The following SERPINB7 variants were observed in gnomAD, a reference collection of about 807,000 sequenced individuals.
The protein encoded by SERPINB7 is serpin B7.
Under a neutral mutation model 37.4 loss-of-function variants are expected in SERPINB7, and 31 were observed. That is an observed-to-expected ratio of 0.83 (90% CI 0.62 to 1.12). The LOEUF (loss-of-function observed/expected upper bound fraction) is 1.12. Ranked by LOEUF, SERPINB7 falls within the 50% of genes most tolerant of loss-of-function variation. The pLI is 0.00. For missense variants in SERPINB7, 521 were observed against 455.3 expected, an observed-to-expected ratio of 1.14 and a Z score of -1.31; for synonymous variants, 163 against 166.1, an observed-to-expected ratio of 0.98 and a Z score of 0.14.
intron 4 of SERPINB7, among the ~76,000 whole-genome samples, chr18:63,795,576 T>TAAAAAAAAAAAAAAA (rs5825537): frequency 8.6e-6 from 1 of 115,778 alleles, no homozygotes; most frequent in East Asian, 2.2e-4. Flanking sequence ...AAAAAAGAAT[T>TAAAAAAAAAAAAAAA]AAAAAAAAAA....
At chr18:63,803,265 G>T (rs1394693382) in intron 7 of SERPINB7, among the ~76,000 whole-genome samples, 1 of 151,668 alleles carries the variant, frequency 6.6e-6, no homozygotes, top group African/African-American at 2.4e-5. Flanking sequence ...TTCCAACAGG[G>T]TAAAAATATA....
At chr18:63,802,364 A>T (rs2049558822) in intron 7 of SERPINB7, among the ~76,000 whole-genome samples, 2 of 152,068 alleles carry the variant, frequency 1.3e-5, no homozygotes, top group Admixed American at 1.3e-4. Flanking sequence ...TTTGAGTTTG[A>T]TCTGCAATCT....
chr18:63,770,492 C>T (rs2049204259), upstream of SERPINB7, among the ~76,000 whole-genome samples: 3 of 151,996 alleles, frequency 2.0e-5, no homozygotes, highest in African/African-American at 4.8e-5. Flanking sequence ...TTGACCCCAA[C>T]TGGAAGCTAT....
At chr18:63,790,748 T>G (rs1490754184) in intron 2 of SERPINB7, among the ~76,000 whole-genome samples, 6 of 152,134 alleles carry the variant, frequency 3.9e-5, no homozygotes, top group Non-Finnish European at 5.9e-5. Context: ...GAAAGAGTTT[T>G]AAGTGTTCAT....
chr18:63,753,473 TATACAAGATAGCTC>T (rs1351946752), intron 1 of SERPINB7, among the ~76,000 whole-genome samples: 8 of 152,234 alleles, frequency 5.3e-5, no homozygotes, highest in African/African-American at 1.7e-4. Flanking sequence ...CCCCTAAGCT[TATACAAGATAGCTC>T]ATACACCAAC....
chr18:63,791,444 C>CA (rs1033310102), intron 2 of SERPINB7, among the ~76,000 whole-genome samples: 7 of 151,912 alleles, frequency 4.6e-5, no homozygotes, highest in African/African-American at 1.4e-4. Context: ...TCCAAAATTA[C>CA]AAAAAATAAC....
intron 1 of SERPINB7, among the ~76,000 whole-genome samples, chr18:63,767,618 G>A (rs1046341321): frequency 1.3e-5 from 2 of 152,042 alleles, no homozygotes; most frequent in Non-Finnish European, 2.9e-5. Flanking sequence ...CTTCTTGGTT[G>A]TGATGTATTA....
upstream of SERPINB7, among the ~76,000 whole-genome samples, chr18:63,771,378 A>G (rs1056141102): frequency 6.6e-6 from 1 of 152,064 alleles, no homozygotes; most frequent in Non-Finnish European, 1.5e-5. Flanking sequence ...GGTGGCTCCC[A>G]GTTTTTATTC....
intron 6 of SERPINB7, among the ~76,000 whole-genome samples, chr18:63,799,300 A>G (rs1413437431): frequency 6.6e-6 from 1 of 152,224 alleles, no homozygotes; most frequent in East Asian, 1.9e-4. Flanking sequence ...TTTAAAATCA[A>G]TTTGTACACA....
At chr18:63,777,012 A>C (rs1307489885) in intron 1 of SERPINB7, among the ~76,000 whole-genome samples, 7 of 152,064 alleles carry the variant, frequency 4.6e-5, no homozygotes, top group Non-Finnish European at 7.4e-5. Flanking sequence ...TTAATCATAC[A>C]ACGAAAATAA....
At chr18:63,765,505 A>G (rs961791880) in intron 1 of SERPINB7, among the ~76,000 whole-genome samples, 29 of 152,174 alleles carry the variant, frequency 1.9e-4, no homozygotes, top group African/African-American at 2.7e-4. Flanking sequence ...GATAAGAATA[A>G]GCCATCTCTT....
intron 6 of SERPINB7, among the ~76,000 whole-genome samples, chr18:63,799,734 A>G (rs1037805286): frequency 2.0e-5 from 3 of 152,152 alleles, no homozygotes; most frequent in African/African-American, 4.8e-5. Flanking sequence ...GGTAGATTTC[A>G]TGTGTGTTCT....
In SERPINB7 at chr18:63,776,085, T is replaced by G. The variant is rs182187326; in HGVS notation, c.-19+369T>G. ...CAGCCCATTGTCCATCAAAACCTGC[T>G]ATCAGGAATAGATCAATTATCAGTT... On this transcript the variant is annotated intron_variant, in intron 1 of 7. Coordinates refer to ENST00000398019, the MANE Select transcript of SERPINB7 (RefSeq NM_003784.4). Among the ~76,000 whole-genome samples the G allele has an allele frequency of 2.6e-5, 4 of 152,242 alleles. No individual in the cohort carries two copies. In the East Asian group the frequency reaches 7.7e-4, roughly 29 times the overall value.
At position 63,804,879 on chromosome 18, in the gene SERPINB7, C is replaced by A. The variant is rs1471913244; in HGVS notation, c.*244C>A. On this transcript the variant is annotated 3_prime_UTR_variant, in exon 8 of 8. Transcript: ENST00000398019. ...TTTCTAATTTCATTGTCTTTCTTCC[C>A]ACGCTCATTTCTATCATTCTCCCCC... The A allele has an allele frequency of 4.1e-6, 2 of 484,432 alleles. No individual in the cohort carries two copies. The highest frequency in any genetic ancestry group is 7.2e-6 in the Non-Finnish European group (2 of 276,492). 30.0% of individuals were successfully genotyped at this position (484,432 alleles called of 1,614,324 possible). A position where few individuals can be genotyped will look rare whatever the true frequency, so the allele number is the denominator to read the frequency against.
At chr18:63,772,891 T>C (rs895874448), upstream of SERPINB7, among the ~76,000 whole-genome samples, 1 of 152,176 alleles carries the variant, frequency 6.6e-6, no homozygotes, top group African/African-American at 2.4e-5. Context: ...GTTCCGCTGA[T>C]TGCATTCATT....
At chr18:63,784,048 C>T (rs1185607310) in intron 2 of SERPINB7, among the ~76,000 whole-genome samples, 1 of 152,080 alleles carries the variant, frequency 6.6e-6, no homozygotes, top group Non-Finnish European at 1.5e-5. Context: ...ATAGTAACAA[C>T]TATCTGCTGA....
In SERPINB7 at chr18:63,795,188, CAG is replaced by C. The variant is rs1405385162; in HGVS notation, c.337-1076_337-1075del. Among the ~76,000 whole-genome samples, 5 of 152,282 alleles carry C rather than the reference CAG, an allele frequency of 3.3e-5. No homozygotes were observed. In the East Asian group the frequency reaches 9.6e-4, roughly 29 times the overall value. On this transcript the variant is annotated intron_variant, in intron 4 of 7. Coordinates refer to ENST00000398019, the MANE Select transcript of SERPINB7 (RefSeq NM_003784.4). ...AGAATTTGCTGTTTTGTGAAGGACT[CAG>C]ACAATCTCAAAGGTAAAAAGGATGC...
At chr18:63,773,505 T>C (rs1471239737), upstream of SERPINB7, among the ~76,000 whole-genome samples, 1 of 152,096 alleles carries the variant, frequency 6.6e-6, no homozygotes, top group African/African-American at 2.4e-5. Flanking sequence ...TCAGCCTAAC[T>C]ACAGAGCTCT....
chr18:63,759,404 CTG>C (rs1310221231), intron 1 of SERPINB7, among the ~76,000 whole-genome samples: 3 of 152,196 alleles, frequency 2.0e-5, no homozygotes, highest in African/African-American at 7.2e-5. Flanking sequence ...AGGAGCTTAA[CTG>C]AGAGCACACA....
Sources: allele counts gnomAD v4.1 joint callset (sites outside exome capture counted in the v4.1 genomes callset), GRCh38; gene constraint gnomAD v4.1.1; transcripts MANE v1.5; gene names NCBI Gene and HGNC (gene_info 2026-07-23, HGNC 2026-07-21).